Variants in SUMF1 observed in about 807,000 individuals in gnomAD.
SUMF1 encodes sulfatase modifying factor 1.
In SUMF1, 48 loss-of-function variants were observed where a neutral mutation model predicts 47.6. That is an observed-to-expected ratio of 1.01 (90% CI 0.80 to 1.28). SUMF1 has a LOEUF of 1.28. Ranked by LOEUF, SUMF1 falls within the 50% of genes most tolerant of loss-of-function variation. SUMF1 has a pLI of 0.00. For missense variants in SUMF1, 571 were observed against 485.4 expected (o/e 1.18, Z -1.66); for synonymous variants, 230 against 192.1 (o/e 1.20, Z -1.63).
intron 8 of SUMF1, among the ~76,000 whole-genome samples, chr3:4,112,656 A>T (rs902085881): frequency 6.6e-6 from 1 of 152,136 alleles, no homozygotes; most frequent in Admixed American, 6.5e-5. Context: ...AAGAAGCTAG[A>T]CTTGGGGGCT....
chr3:4,145,764 T>C (rs895879379), intron 8 of SUMF1, among the ~76,000 whole-genome samples: 12 of 152,160 alleles, frequency 7.9e-5, no homozygotes, highest in African/African-American at 2.9e-4. Flanking sequence ...AGTTGTTTTG[T>C]ATTCAAGACA....
chr3:4,458,291 T>C (rs2079718646), intron 1 of SUMF1, among the ~76,000 whole-genome samples: 1 of 152,154 alleles, frequency 6.6e-6, no homozygotes, highest in Non-Finnish European at 1.5e-5. Context: ...GAATGTAAAT[T>C]AATACAGTGA....
intron 9 of SUMF1, among the ~76,000 whole-genome samples, chr3:4,054,849 T>C (rs150750900): frequency 4.3e-4 from 66 of 152,298 alleles, no homozygotes; most frequent in African/African-American, 1.3e-3. Context: ...TCTTATTTCA[T>C]ATGCACAACA....
At chr3:4,081,698 G>A (rs1289684298) in intron 8 of SUMF1, among the ~76,000 whole-genome samples, 1 of 152,134 alleles carries the variant, frequency 6.6e-6, no homozygotes, top group East Asian at 1.9e-4. Context: ...ATAGGGTTAT[G>A]AGTGATAACT....
In SUMF1 at chr3:4,142,264, C is replaced by T. The variant is rs574086439; in HGVS notation, c.1015-73519G>A. On this transcript the variant is annotated intron_variant and NMD_transcript_variant, in intron 8 of 12. Transcript: ENST00000448413. ...AAAAATGGCATTATCAGCTAGGTTT[C>T]TGAATTCACATTGCTGCTTCCATAG... 3.9e-5 allele frequency among the ~76,000 whole-genome samples: 6 copies of T among 152,198 alleles called. No homozygotes were observed. The South Asian group carries it at 1.2e-3, about 32-fold the overall frequency.
At chr3:4,157,940 G>GGTCTCTGA (rs1214683064) in intron 8 of SUMF1, among the ~76,000 whole-genome samples, 1 of 151,376 alleles carries the variant, frequency 6.6e-6, no homozygotes, top group African/African-American at 2.5e-5. Context: ...TCAGTCTCTG[G>GGTCTCTGA]GTCTGGCAGC....
At chr3:4,386,872 T>C (rs1352629420) in intron 7 of SUMF1, among the ~76,000 whole-genome samples, 1 of 151,966 alleles carries the variant, frequency 6.6e-6, no homozygotes, top group African/African-American at 2.4e-5. Context: ...GGTTTTTTTT[T>C]TTCTTCTTTT....
intron 8 of SUMF1, among the ~76,000 whole-genome samples, chr3:4,299,945 ACT>A (rs1254338822): frequency 6.6e-6 from 1 of 152,106 alleles, no homozygotes; most frequent in African/African-American, 2.4e-5. Context: ...TGTGCCCCTA[ACT>A]CTTACATTTT....
At chr3:4,323,967 T>C (rs1273785479) in intron 8 of SUMF1, among the ~76,000 whole-genome samples, 1 of 152,168 alleles carries the variant, frequency 6.6e-6, no homozygotes, top group Non-Finnish European at 1.5e-5. Context: ...CCAATTCCTA[T>C]TACTTTTAAA....
intron 8 of SUMF1, among the ~76,000 whole-genome samples, chr3:4,272,833 G>A (rs1036227742): frequency 3.3e-5 from 5 of 151,964 alleles, no homozygotes; most frequent in Non-Finnish European, 5.9e-5. Context: ...CAGCACTGTG[G>A]GAGCCCAAAG....
intron 8 of SUMF1, among the ~76,000 whole-genome samples, chr3:4,281,027 AG>A (rs1316839768): frequency 6.6e-6 from 1 of 151,964 alleles, no homozygotes; most frequent in African/African-American, 2.4e-5. Flanking sequence ...AACATCTTTG[AG>A]TGGGGTAACA....
At chr3:4,380,969 G>T (rs868746420) in intron 7 of SUMF1, among the ~76,000 whole-genome samples, 17 of 152,180 alleles carry the variant, frequency 1.1e-4, no homozygotes, top group Admixed American at 3.3e-4. Context: ...AGTGAGACTG[G>T]CTTGTTTGGA....
At chr3:4,282,636 G>GC (rs1697552775) in intron 8 of SUMF1, among the ~76,000 whole-genome samples, 1 of 152,152 alleles carries the variant, frequency 6.6e-6, no homozygotes. Context: ...CGATACCAGC[G>GC]CAAGAGTGGA....
intron 8 of SUMF1, among the ~76,000 whole-genome samples, chr3:4,266,072 C>G (rs1202515197): frequency 1.3e-5 from 2 of 152,138 alleles, no homozygotes; most frequent in South Asian, 4.2e-4. Flanking sequence ...GGGCTCTGTT[C>G]TGTTCCATTG....
intron 7 of SUMF1, among the ~76,000 whole-genome samples, chr3:4,395,939 T>C (rs905566905): frequency 1.3e-5 from 2 of 152,246 alleles, no homozygotes; most frequent in Non-Finnish European, 2.9e-5. Flanking sequence ...TTGTTTTCTA[T>C]ATTTTTAGTC....
chr3:4,311,594 A>G (rs1015597623), intron 8 of SUMF1, among the ~76,000 whole-genome samples: 4 of 152,186 alleles, frequency 2.6e-5, no homozygotes, highest in Admixed American at 6.5e-5. Flanking sequence ...GAACAATGAG[A>G]TTATTCCTTA....
chr3:4,339,522 C>A (rs149829053), intron 8 of SUMF1, among the ~76,000 whole-genome samples: 3 of 152,060 alleles, frequency 2.0e-5, no homozygotes, highest in African/African-American at 7.2e-5. Flanking sequence ...CATGTTGTAG[C>A]TGCGGACAGG....
chr3:4,148,104 A>T (rs1029384711), intron 8 of SUMF1, among the ~76,000 whole-genome samples: 2 of 152,196 alleles, frequency 1.3e-5, no homozygotes, highest in Admixed American at 6.5e-5. Flanking sequence ...ACATAGGTAT[A>T]GCTCCTACCC....
At chr3:4,256,442 C>T (rs1234313124) in intron 8 of SUMF1, among the ~76,000 whole-genome samples, 3 of 143,252 alleles carry the variant, frequency 2.1e-5, no homozygotes, top group Non-Finnish European at 3.1e-5. Context: ...ATATCACTAC[C>T]GATCCCACAG....
Sources: gnomAD v4.1 joint callset for allele counts (sites outside exome capture counted in the v4.1 genomes callset) on GRCh38, gnomAD v4.1.1 for gene constraint, MANE v1.5 for transcripts, NCBI Gene and HGNC (gene_info 2026-07-23, HGNC 2026-07-21) for gene names.